Variants in MCTP1 observed in about 807,000 individuals in gnomAD.
MCTP1 encodes multiple C2 and transmembrane domain-containing protein 1.
MCTP1 carries 69 observed loss-of-function variants against 120.6 expected under a neutral mutation model. The ratio of observed to expected loss-of-function variants is 0.57; its 90% confidence interval spans 0.47 to 0.70. The LOEUF (loss-of-function observed/expected upper bound fraction) is 0.70, where lower values mean the gene tolerates loss of function less well. Among genes scored for constraint, MCTP1 ranks in the 30% least tolerant of loss-of-function variants. The pLI is 0.00. For missense variants in MCTP1, 1,203 were observed against 1,248.8 expected (o/e 0.96, Z 0.55); for synonymous variants, 529 against 493.1 (o/e 1.07, Z -0.96).
intron 18 of MCTP1, chr5:94,789,635 G>A (rs1778473458): frequency 6.6e-6 from 1 of 152,146 alleles, no homozygotes; most frequent in Non-Finnish European, 1.5e-5. Context: ...TATATATGCA[G>A]TACTCACACA....
chr5:95,127,374 G>A (rs1232461500), intron 1 of MCTP1, among the ~76,000 whole-genome samples: 1 of 152,174 alleles, frequency 6.6e-6, no homozygotes, highest in African/African-American at 2.4e-5. Flanking sequence ...AAGGCACAGG[G>A]ATACTGACAC....
chr5:94,872,138 C>A (rs1240037241), intron 13 of MCTP1, among the ~76,000 whole-genome samples: 1 of 151,838 alleles, frequency 6.6e-6, no homozygotes, highest in East Asian at 1.9e-4. Context: ...AACTGTTTAC[C>A]AAGAAAACAT....
intron 19 of MCTP1, among the ~76,000 whole-genome samples, chr5:94,723,067 T>C (rs1680598570): frequency 6.6e-6 from 1 of 151,936 alleles, no homozygotes. Flanking sequence ...TTTTCAGATA[T>C]AAAAAAAACA....
chr5:94,917,718 A>G (rs888554413), intron 8 of MCTP1, among the ~76,000 whole-genome samples, 178 bp downstream of exon 8: 6 of 152,254 alleles, frequency 3.9e-5, no homozygotes, highest in Admixed American at 2.6e-4. Context: ...TGAGCTGGCA[A>G]TGTAAAGAAA....
intron 1 of MCTP1, among the ~76,000 whole-genome samples, chr5:95,236,671 C>T (rs1467975176): frequency 1.3e-5 from 2 of 152,200 alleles, no homozygotes; most frequent in African/African-American, 4.8e-5. Context: ...ATAATGGGAA[C>T]ATCCCACAAA....
At chr5:95,078,082 G>A (rs1046279145) in intron 1 of MCTP1, among the ~76,000 whole-genome samples, 11 of 64,000 alleles carry the variant, frequency 1.7e-4, no homozygotes, top group Admixed American at 6.7e-4. Flanking sequence ...TGCAAGACCC[G>A]AGGAAACATG....
chr5:95,077,156 A>G (rs1753774311), intron 1 of MCTP1, among the ~76,000 whole-genome samples: 1 of 152,204 alleles, frequency 6.6e-6, no homozygotes. Flanking sequence ...CCCATTCCAA[A>G]ATGAAAAGAG....
At chr5:94,840,146 G>A (rs542733890) in intron 17 of MCTP1, among the ~76,000 whole-genome samples, 11 of 152,076 alleles carry the variant, frequency 7.2e-5, no homozygotes, top group African/African-American at 2.7e-4. Context: ...TGGGTTCAAA[G>A]TGACACTCAT....
chr5:94,923,934 A>C, intron 7 of MCTP1, 28 bp downstream of exon 7: 2 of 1,427,834 alleles, frequency 1.4e-6, no homozygotes, highest in Non-Finnish European at 9.5e-7. Context: ...AAAATCAAGA[A>C]TATTAACAAA....
intron 1 of MCTP1, among the ~76,000 whole-genome samples, chr5:95,098,652 C>T (rs951247225): frequency 4.6e-5 from 7 of 151,812 alleles, no homozygotes; most frequent in Non-Finnish European, 7.4e-5. Context: ...ACATTCCATG[C>T]TCATGGGTAG....
intron 1 of MCTP1, among the ~76,000 whole-genome samples, chr5:95,256,993 T>C (rs1188070704): frequency 6.6e-6 from 1 of 152,226 alleles, no homozygotes; most frequent in Non-Finnish European, 1.5e-5. Flanking sequence ...TTTAACTTTT[T>C]TTAAATCAAA....
intron 1 of MCTP1, among the ~76,000 whole-genome samples, chr5:95,017,950 A>G (rs1837440805): frequency 6.6e-6 from 1 of 152,106 alleles, no homozygotes; most frequent in East Asian, 1.9e-4. Context: ...CTATGAATTA[A>G]GCACTTCTGC....
intron 19 of MCTP1, among the ~76,000 whole-genome samples, chr5:94,726,565 G>A (rs989377754): frequency 3.6e-5 from 4 of 112,254 alleles, no homozygotes; most frequent in East Asian, 2.3e-4. Flanking sequence ...TATACACAAG[G>A]TATGGGGCCC....
chr5:94,870,339 G>T, intron 16 of MCTP1, 78 bp downstream of exon 16: 1 of 998,942 alleles, frequency 1.0e-6, no homozygotes, highest in Non-Finnish European at 1.5e-6. Flanking sequence ...TACCTTTAAA[G>T]TTTATTTGAA....
rs537498694 is a variant in MCTP1, at chr5:95,111,925, C to T, written c.721-94441G>A. On this transcript the variant is annotated intron_variant, in intron 1 of 22. Coordinates refer to ENST00000515393, the MANE Select transcript of MCTP1 (RefSeq NM_024717.7). Reference sequence around the variant, plus strand: ...CTCTAGCTGGTTTTTCTATTCATACCTTGTTGATGTATGTTAATAGACCCA... The same window carrying T: ...CTCTAGCTGGTTTTTCTATTCATACTTTGTTGATGTATGTTAATAGACCCA... Among the ~76,000 whole-genome samples, 12 of 152,184 alleles carry T rather than the reference C, an allele frequency of 7.9e-5. No homozygotes were observed. In the South Asian group the frequency reaches 1.9e-3, roughly 24 times the overall value.
chr5:94,938,985 T>A (rs1816880803), intron 5 of MCTP1, among the ~76,000 whole-genome samples: 1 of 152,136 alleles, frequency 6.6e-6, no homozygotes, highest in Admixed American at 6.6e-5. Flanking sequence ...CTAGGTATTA[T>A]TATCTGGCAA....
At chr5:94,816,275 T>C (rs1003994281) in intron 17 of MCTP1, among the ~76,000 whole-genome samples, 2 of 152,212 alleles carry the variant, frequency 1.3e-5, no homozygotes, top group Admixed American at 6.5e-5. Context: ...TATATTTATC[T>C]GTACTTTTAT....
At chr5:94,996,170 A>T (rs1252198478) in intron 2 of MCTP1, among the ~76,000 whole-genome samples, 1 of 152,270 alleles carries the variant, frequency 6.6e-6, no homozygotes, top group South Asian at 2.1e-4. Context: ...ATGTAAATCA[A>T]ATTTATTTTC....
intron 2 of MCTP1, among the ~76,000 whole-genome samples, chr5:94,973,292 G>A (rs757932660): frequency 7.2e-5 from 11 of 152,032 alleles, no homozygotes; most frequent in Non-Finnish European, 1.2e-4. Flanking sequence ...CCGATCAACC[G>A]ACTTGTCCCG....
Sources: gnomAD v4.1 joint callset for allele counts (sites outside exome capture counted in the v4.1 genomes callset) on GRCh38, gnomAD v4.1.1 for gene constraint, MANE v1.5 for transcripts, NCBI Gene and HGNC (gene_info 2026-07-23, HGNC 2026-07-21) for gene names.